C6orf132: variants seen among roughly 807,000 people sequenced by gnomAD.
C6orf132 encodes uncharacterized protein C6orf132.
A neutral mutation model predicts 65.3 loss-of-function variants in C6orf132; 43 were observed. The observed-to-expected ratio is 0.66, with a 90% CI of 0.52 to 0.85. The LOEUF is 0.85. Among genes scored for constraint, C6orf132 ranks in the 40% least tolerant of loss-of-function variants. The probability of loss-of-function intolerance (pLI) is 0.00; values close to 1 mark genes in which losing one functional copy is unlikely to be tolerated. For synonymous variants in C6orf132, 631 were observed against 654.1 expected, an observed-to-expected ratio of 0.96 and a Z score of 0.54; for missense variants, 1,488 against 1,548.8, an observed-to-expected ratio of 0.96 and a Z score of 0.66.
rs373647760 is a variant in C6orf132, at chr6:42,126,568, G to A, written c.252+2104C>T. ...CAATATAGAGTATTTCAGGCTGGGC[G>A]CGGTAGCTCACGCCTGTAATCCCAG... On this transcript the variant is annotated intron_variant, in intron 2 of 4. Transcript: ENST00000341865. The A allele has an allele frequency of 3.9e-3, 737 of 191,380 alleles. 2 individuals are homozygous for A. The highest frequency in any genetic ancestry group is 6.2e-3 in the Non-Finnish European group (582 of 94,338). 11.9% of individuals were successfully genotyped at this position (191,380 alleles called of 1,614,324 possible). A position where few individuals can be genotyped will look rare whatever the true frequency, so the allele number is the denominator to read the frequency against.
chr6:42,103,206 C>G lies in C6orf132; in HGVS notation c.*555G>C. 2.5e-6 allele frequency: 1 copy of G among 398,658 alleles called. No homozygotes were observed. The highest frequency in any genetic ancestry group is 4.4e-6 in the Non-Finnish European group (1 of 226,100). 24.7% of individuals were successfully genotyped at this position (398,658 alleles called of 1,614,324 possible). ...TATACATACACATTCCTGGTCCCAC[C>G]TCAATGCGGCTAGGAACCCCAGGTG... On this transcript the variant is annotated 3_prime_UTR_variant, in exon 5 of 5. Transcript: ENST00000341865.
At chr6:42,114,342 C>T (rs955991192) in intron 2 of C6orf132, among the ~76,000 whole-genome samples, 2 of 152,190 alleles carry the variant, frequency 1.3e-5, no homozygotes, top group African/African-American at 4.8e-5. Flanking sequence ...AGCCTCATCC[C>T]TTCAGAAGCT....
At chr6:42,132,001 G>A (rs1452927574) in intron 1 of C6orf132, among the ~76,000 whole-genome samples, 5 of 152,076 alleles carry the variant, frequency 3.3e-5, no homozygotes, top group Non-Finnish European at 5.9e-5. Context: ...GTGGGGTGAT[G>A]CGCTGTGAGA....
Position 42,105,151 on chromosome 6 carries a change from C to G in C6orf132, c.2761G>C (p.Gly921Arg). The change falls in exon 4 of 5, where the codon GGA becomes CGA. Residue 921 changes from glycine to arginine, a missense_variant. Transcript: ENST00000341865. Reference protein sequence around the residue: ...EIPNKWGPRLGRDAEGTELSR... With the variant: ...EIPNKWGPRLRRDAEGTELSR... ...AGCTCTGTGCCCTCTGCGTCTCTTC[C>G]CAGCCGCGGCCCCCACTTATTGGGT... is the stretch of plus-strand genomic sequence containing the variant. The G allele has an allele frequency of 6.5e-7, 1 of 1,537,020 alleles. No individual in the cohort carries two copies. The highest frequency in any genetic ancestry group is 8.7e-7 in the Non-Finnish European group (1 of 1,146,808).
intron 2 of C6orf132, among the ~76,000 whole-genome samples, chr6:42,119,248 C>CAAAAAAAAAAAAAAAAAAAAAA (rs1156356191): frequency 1.6e-4 from 7 of 44,776 alleles, no homozygotes; most frequent in African/African-American, 5.9e-4. Flanking sequence ...GACTCTGTCT[C>CAAAAAAAAAAAAAAAAAAAAAA]AAAAAAAAAA....
rs922057098 is a variant in C6orf132 at position 42,104,809 on chromosome 6, C to G, written c.3103G>C (p.Gly1035Arg). 2 of 1,481,218 alleles carry G rather than the reference C, an allele frequency of 1.4e-6. No homozygotes were observed. Among genetic ancestry groups the G allele is most frequent in the Non-Finnish European group, 8.9e-7 (1 of 1,122,498 alleles). The allele number at this position is 1,481,218 out of a possible 1,614,324, so 91.8% of individuals were successfully genotyped here. A position where few individuals can be genotyped will look rare whatever the true frequency, so the allele number is the denominator to read the frequency against. The change falls in exon 4 of 5, where the codon GGC becomes CGC. Residue 1035 changes from glycine to arginine, a missense_variant. Gly to Arg is a moderately radical substitution (Grantham distance 125). Coordinates refer to ENST00000341865, the MANE Select transcript of C6orf132 (RefSeq NM_001164446.3). The surrounding 1 kb of genome is among the most constrained non-coding windows in gnomAD (Gnocchi z 4.1). ...GCGCCCGCGGGAAAGCGCGAGAAGC[C>G]GAGAGCCGGGGGCGCCCCGGGGCCA... is the stretch of plus-strand genomic sequence containing the variant. ...NAGPGAPPAL[G>R]FSRFPAGARY...
At position 42,105,337 on chromosome 6, in the gene C6orf132, G is replaced by A. The variant is rs1269236646; in HGVS notation, c.2575C>T (p.Leu859=). ...AQKGRSVGAA[L]GRSSLPGSLR... ...CTTCCTGGCAGAGAGGACCGACCCA[G>A]GGCAGCCCCTACAGACCTTCCCTTC... Residue 859 remains leucine (L), a synonymous_variant, in exon 4 of 5, where the codon CTG becomes TTG. Transcript: ENST00000341865. The A allele has an allele frequency of 3.3e-6, 5 of 1,536,832 alleles. No individual in the cohort carries two copies. The highest frequency in any genetic ancestry group is 2.7e-5 in the African/African-American group (2 of 73,038).
At position 42,105,206 on chromosome 6, in the gene C6orf132, A is replaced by C; in HGVS notation, c.2706T>G (p.Ala902=). 3.9e-6 allele frequency: 6 copies of C among 1,537,108 alleles called. No individual in the cohort carries two copies. The highest frequency in any genetic ancestry group is 5.2e-6 in the Non-Finnish European group (6 of 1,146,882). Residue 902 remains alanine (A), a synonymous_variant, in exon 4 of 5, where the codon GCT becomes GCG. Coordinates refer to ENST00000341865, the MANE Select transcript of C6orf132 (RefSeq NM_001164446.3). Reference sequence around the variant, plus strand: ...CGGTCGTCAGCGGGGAGTCCTTCTCAGCCTCCTTGGGTAACTTGGGCACCA... The same window carrying C: ...CGGTCGTCAGCGGGGAGTCCTTCTCCGCCTCCTTGGGTAACTTGGGCACCA... The part of the protein sequence containing the change: ...FTVVPKLPKE[A]EKDSPLTTEI...
chr6:42,131,982 G>A (rs1766860333), intron 1 of C6orf132, among the ~76,000 whole-genome samples: 1 of 152,154 alleles, frequency 6.6e-6, no homozygotes, highest in Non-Finnish European at 1.5e-5. Context: ...ACGTGATACG[G>A]GAGCAGAGGT....
At position 42,102,069 on chromosome 6, in the gene C6orf132, T is replaced by C. The variant is rs1766294195; in HGVS notation, c.*1692A>G. On this transcript the variant is annotated 3_prime_UTR_variant, in exon 5 of 5. Coordinates refer to ENST00000341865, the MANE Select transcript of C6orf132 (RefSeq NM_001164446.3). The stretch of plus-strand genomic sequence containing the variant: ...AAGATAGGGAAGCAAGACCAAGGAA[T>C]ATTGTTTCCTGATATGTTTGGTGAT... 1 of 152,128 alleles carries C rather than the reference T, an allele frequency of 6.6e-6. No homozygotes were observed. The highest frequency in any genetic ancestry group is 1.5e-5 in the Non-Finnish European group (1 of 68,036). The allele number at this position is 152,128 out of a possible 1,614,324, so 9.4% of individuals were successfully genotyped here. A position where few individuals can be genotyped will look rare whatever the true frequency, so the allele number is the denominator to read the frequency against.
At position 42,107,352 on chromosome 6, in the gene C6orf132, G is replaced by A; in HGVS notation, c.560C>T (p.Ala187Val). ...LLEPPPPPSMAPPPPPVLEAL... is the reference protein window; with the variant it reads ...LLEPPPPPSMVPPPPPVLEAL... ...CTCCAATACTGGGGGTGGAGGTGGG[G>A]CCATGCTGGGCGGGGGTGGGGGTTC... The change falls in exon 4 of 5, where the codon GCC becomes GTC. Residue 187 changes from alanine (A) to valine (V), a missense_variant. Ala to Val is a moderately conservative substitution (Grantham distance 64). Coordinates refer to ENST00000341865, the MANE Select transcript of C6orf132 (RefSeq NM_001164446.3). 3.7e-6 allele frequency: 3 copies of A among 802,914 alleles called. No individual in the cohort carries two copies. The highest frequency in any genetic ancestry group is 5.4e-6 in the Non-Finnish European group (3 of 554,704). 49.7% of individuals were successfully genotyped at this position (802,914 alleles called of 1,614,324 possible). A position where few individuals can be genotyped will look rare whatever the true frequency, so the allele number is the denominator to read the frequency against.
rs879032244 is a variant in C6orf132, at chr6:42,105,286, C to T, written c.2626G>A (p.Glu876Lys). Residue 876 changes from glutamate (E) to lysine (K), a missense_variant, in exon 4 of 5, where the codon GAG becomes AAG. By Grantham distance (56) the Glu-to-Lys change is moderately conservative (BLOSUM62 1). Transcript: ENST00000341865. ...GSLRDHSHQA[E>K]ASSDSIFHSQ... is the part of the protein sequence containing the mutation. ...TGGAAGATGCTGTCAGAGCTGGCCTCGGCTTGGTGGCTGTGGTCACGGAGA... is the reference window on the plus strand; with the variant it reads ...TGGAAGATGCTGTCAGAGCTGGCCTTGGCTTGGTGGCTGTGGTCACGGAGA... The T allele has an allele frequency of 3.3e-6, 5 of 1,537,194 alleles. No individual in the cohort carries two copies. Among genetic ancestry groups the T allele is most frequent in the African/African-American group, 2.7e-5 (2 of 73,174 alleles).
At position 42,104,297 on chromosome 6, in the gene C6orf132, C is replaced by T. The variant is rs1283902901; in HGVS notation, c.3449+166G>A. Among the ~76,000 whole-genome samples the T allele has an allele frequency of 6.6e-6, 1 of 152,260 alleles. No homozygotes were observed. The highest frequency in any genetic ancestry group is 1.5e-5 in the Non-Finnish European group (1 of 68,038). ...GGTCAGGAGGGAGGTCAGGAAGGCG[C>T]CAACAGCGCCCTCTCCCGGTAAGTG... On this transcript the variant is annotated intron_variant, in intron 4 of 4. Coordinates refer to ENST00000341865, the MANE Select transcript of C6orf132 (RefSeq NM_001164446.3). The surrounding 1 kb of genome is among the most constrained non-coding windows in gnomAD (Gnocchi z 4.1).
chr6:42,106,570 G>A lies in C6orf132; in HGVS notation c.1342C>T (p.Pro448Ser), dbSNP rs1213048277. Residue 448 changes from proline to serine, a missense_variant, in exon 4 of 5, where the codon CCC (proline) becomes TCC (serine). Physicochemically the swap from Pro to Ser is moderately conservative, Grantham distance 74. Coordinates refer to ENST00000341865, the MANE Select transcript of C6orf132 (RefSeq NM_001164446.3). ...GAAGACGCTGTGTTCTCTGGGCTGGGGGGGTTGGGTTTGGGTTTGAGAGCA... is the reference window on the plus strand; with the variant it reads ...GAAGACGCTGTGTTCTCTGGGCTGGAGGGGTTGGGTTTGGGTTTGAGAGCA... ...SPALKPKPNP[P>S]SPENTASSAP... 1 of 1,536,256 alleles carries A rather than the reference G, an allele frequency of 6.5e-7. No homozygotes were observed. Among genetic ancestry groups the A allele is most frequent in the Non-Finnish European group, 8.7e-7 (1 of 1,146,702 alleles).
rs1451462958 is a variant in C6orf132, at chr6:42,105,386, G to A, written c.2526C>T (p.Leu842=). The A allele has an allele frequency of 9.1e-6, 14 of 1,535,938 alleles. No homozygotes were observed. Among genetic ancestry groups the A allele is most frequent in the African/African-American group, 2.7e-5 (2 of 73,032 alleles). The change falls in exon 4 of 5, where the codon CTC becomes CTT. Residue 842 remains leucine, a synonymous_variant. Transcript: ENST00000341865. ...VVERGSPMAL[L]LAARQRAQKG... ...TCTGAGCCCTCTGCCTGGCCGCCAG[G>A]AGCAGGGCCATCGGCGAGCCCCGCT...
Position 42,104,677 on chromosome 6 carries a change from G to T in C6orf132, c.3235C>A (p.His1079Asn). ...GEPHRGPGLP[H>N]GGTGRSLSSP... ...CTCAGGCTGCGGCCGGTGCCACCGT[G>T]GGGTAGCCCTGGGCCTCGGTGCGGC... The change falls in exon 4 of 5, where the codon CAC becomes AAC. Residue 1079 changes from histidine to asparagine, a missense_variant. By Grantham distance (68) the His-to-Asn change is moderately conservative. Coordinates refer to ENST00000341865, the MANE Select transcript of C6orf132 (RefSeq NM_001164446.3). This position sits in a 1 kb window ranked among gnomAD's most constrained non-coding sequence, Gnocchi z 4.1. The T allele has an allele frequency of 6.6e-7, 1 of 1,505,988 alleles. No individual in the cohort carries two copies. Among genetic ancestry groups the T allele is most frequent in the South Asian group, 1.2e-5 (1 of 81,326 alleles). 93.3% of individuals were successfully genotyped at this position (1,505,988 alleles called of 1,614,324 possible). A position where few individuals can be genotyped will look rare whatever the true frequency, so the allele number is the denominator to read the frequency against.
intron 1 of C6orf132, among the ~76,000 whole-genome samples, chr6:42,129,391 C>G (rs1490968109): frequency 6.6e-6 from 1 of 152,218 alleles, no homozygotes; most frequent in Non-Finnish European, 1.5e-5. Context: ...AAAATCCCAG[C>G]TCTGCCACTG....
In C6orf132 at chr6:42,104,831, G is replaced by A; in HGVS notation, c.3081C>T (p.Gly1027=). Residue 1027 remains glycine (G), a synonymous_variant, in exon 4 of 5, where the codon GGC becomes GGT. Transcript: ENST00000341865. This position sits in a 1 kb window ranked among gnomAD's most constrained non-coding sequence, Gnocchi z 4.1. ...YSDLRQLPNA[G]PGAPPALGFS... ...AGCCGAGAGCCGGGGGCGCCCCGGGGCCAGCGTTCGGGAGCTGCCTCAAGT... is the reference window on the plus strand; with the variant it reads ...AGCCGAGAGCCGGGGGCGCCCCGGGACCAGCGTTCGGGAGCTGCCTCAAGT... The A allele has an allele frequency of 6.9e-7, 1 of 1,459,566 alleles. No homozygotes were observed. Among genetic ancestry groups the A allele is most frequent in the Non-Finnish European group, 9.0e-7 (1 of 1,112,720 alleles). 90.4% of individuals were successfully genotyped at this position (1,459,566 alleles called of 1,614,324 possible).
intron 2 of C6orf132, among the ~76,000 whole-genome samples, chr6:42,115,440 A>G (rs1766550967): frequency 6.6e-6 from 1 of 151,496 alleles, no homozygotes; most frequent in African/African-American, 2.4e-5. Context: ...AGGTCAGGAG[A>G]TTGAGACCAT....
Sources: gnomAD v4.1 joint callset for allele counts (sites outside exome capture counted in the v4.1 genomes callset) on GRCh38, gnomAD v4.1.1 for gene constraint, Gnocchi (gnomAD v3.1) non-coding constraint, MANE v1.5 for transcripts, NCBI Gene and HGNC (gene_info 2026-07-23, HGNC 2026-07-21) for gene names.